TLE3: variants seen among roughly 807,000 people sequenced by gnomAD.
The protein encoded by TLE3 is transducin-like enhancer protein 3.
Under a neutral mutation model 93.0 loss-of-function variants are expected in TLE3, and 14 were observed. The observed-to-expected ratio is 0.15, with a 90% confidence interval of 0.10 to 0.24. The LOEUF (loss-of-function observed/expected upper bound fraction) is 0.24. Among genes scored for constraint, TLE3 ranks in the 10% least tolerant of loss-of-function variants. The pLI is 1.00. For missense variants in TLE3, 693 were observed against 1,046.6 expected (o/e 0.66, Z 4.66); for synonymous variants, 451 against 425.0 (o/e 1.06, Z -0.75).
Position 70,097,453 on chromosome 15 carries a change from T to TGCCGCCGCCGCC in TLE3, c.-667_-656dup, listed in dbSNP as rs907501738. 7.2e-6 allele frequency: 3 copies of TGCCGCCGCCGCC among 416,462 alleles called. No individual in the cohort carries two copies. The highest frequency in any genetic ancestry group is 4.1e-5 in the African/African-American group (2 of 48,658). The allele number at this position is 416,462 out of a possible 1,614,324, so 25.8% of individuals were successfully genotyped here. On this transcript the variant is annotated 5_prime_UTR_variant, in exon 1 of 20. Transcript: ENST00000451782. ...CTGCTGTTCCGTCTGCTACTGCCGC[T>TGCCGCCGCCGCC]GCCGCCGCCGCCGCCGCCGCTGCAA...
At chr15:70,095,335 C>T in intron 3 of TLE3, 1 of 1,422,716 alleles carries the variant, frequency 7.0e-7, no homozygotes, top group South Asian at 1.5e-5. Context: ...AAAGATAGTA[C>T]AGAAGTCTCC....
intron 18 of TLE3, 33 bp downstream of exon 18, chr15:70,052,341 A>G (rs1375104399): frequency 6.2e-7 from 1 of 1,602,692 alleles, no homozygotes; most frequent in East Asian, 2.2e-5. Context: ...TCCCCACCCC[A>G]CTCCATCAGG....
At chr15:70,089,252 T>G (rs1267376600) in intron 4 of TLE3, among the ~76,000 whole-genome samples, 2 of 152,186 alleles carry the variant, frequency 1.3e-5, no homozygotes, top group Non-Finnish European at 2.9e-5. Flanking sequence ...CTGTGCTGGG[T>G]GCTCCTCCTA....
At chr15:70,061,379 A>G (rs1045074798) in intron 8 of TLE3, among the ~76,000 whole-genome samples, 2 of 152,092 alleles carry the variant, frequency 1.3e-5, no homozygotes, top group African/African-American at 4.8e-5. Flanking sequence ...GAGGTTGGTG[A>G]ATGTGCCCAA....
intron 4 of TLE3, among the ~76,000 whole-genome samples, chr15:70,089,694 C>T (rs1390242239): frequency 6.6e-6 from 1 of 152,218 alleles, no homozygotes; most frequent in Non-Finnish European, 1.5e-5. Flanking sequence ...TGCCAGATCA[C>T]AGGGGAAAAC....
chr15:70,084,471 G>A lies in TLE3; in HGVS notation c.235-8313C>T, dbSNP rs977023276. Among the ~76,000 whole-genome samples, 366 of 152,334 alleles carry A rather than the reference G, an allele frequency of 2.4e-3. 3 individuals are homozygous for A. The highest frequency in any genetic ancestry group is 7.1e-4 in the Non-Finnish European group (48 of 68,020). On this transcript the variant is annotated intron_variant, in intron 4 of 19. Coordinates refer to ENST00000451782, the MANE Select transcript of TLE3 (RefSeq NM_001105192.3). ...ATGTGGCTGATGCTCATGTTTTACT[G>A]AATTCTGAAAGGTTTCATCTGGTTT...
intron 4 of TLE3, among the ~76,000 whole-genome samples, chr15:70,093,844 G>A (rs2058422005): frequency 6.6e-6 from 1 of 152,200 alleles, no homozygotes; most frequent in South Asian, 2.1e-4. Context: ...TCAAAGCTGA[G>A]CTCAACCCCC....
In TLE3 at chr15:70,049,972, AGCCCTGAACGCTCGGCTGCCTGCG is replaced by A; in HGVS notation, c.*101_*124del. The A allele has an allele frequency of 1.2e-5, 9 of 744,808 alleles. No homozygotes were observed. In the South Asian group the frequency reaches 1.4e-4, roughly 12 times the overall value. 46.1% of individuals were successfully genotyped at this position (744,808 alleles called of 1,614,324 possible). Reference sequence around the variant, plus strand: ...GTGCCCTCTCAGCCGGCCGGAGCGCAGCCCTGAACGCTCGGCTGCCTGCGGCCCATCCTCCGCCATCCTCGGGGC... The same window carrying A: ...GTGCCCTCTCAGCCGGCCGGAGCGCAGCCCATCCTCCGCCATCCTCGGGGC... On this transcript the variant is annotated 3_prime_UTR_variant, in exon 20 of 20. Transcript: ENST00000451782.
chr15:70,050,414 A>G (rs2055414135), intron 19 of TLE3: 1 of 496,374 alleles, frequency 2.0e-6, no homozygotes, highest in African/African-American at 1.9e-5. Context: ...ATTTTCAGGT[A>G]GAGCTCCCCT....
chr15:70,049,845 G>A lies in TLE3; in HGVS notation c.*252C>T. On this transcript the variant is annotated 3_prime_UTR_variant, in exon 20 of 20. Transcript: ENST00000451782. Reference sequence around the variant, plus strand: ...TAAGCCTCCAATAAATCTATTTGTAGCAACTGCCAGCATTGTTCAGGGGGA... The same window carrying A: ...TAAGCCTCCAATAAATCTATTTGTAACAACTGCCAGCATTGTTCAGGGGGA... 2.5e-6 allele frequency: 1 copy of A among 405,802 alleles called. No individual in the cohort carries two copies. The highest frequency in any genetic ancestry group is 3.6e-5 in the Admixed American group (1 of 27,770). The allele number at this position is 405,802 out of a possible 1,614,324, so 25.1% of individuals were successfully genotyped here. A position where few individuals can be genotyped will look rare whatever the true frequency, so the allele number is the denominator to read the frequency against.
chr15:70,050,052 G>A lies in TLE3; in HGVS notation c.*45C>T, dbSNP rs372260637. 110 of 1,549,058 alleles carry A rather than the reference G, an allele frequency of 7.1e-5. No homozygotes were observed. Among genetic ancestry groups the A allele is most frequent in the African/African-American group, 5.3e-4 (39 of 73,594 alleles). On this transcript the variant is annotated 3_prime_UTR_variant, in exon 20 of 20. Transcript: ENST00000451782. Reference sequence around the variant, plus strand: ...GCCTGGGGGTCTCCCTGTCAGAGCCGAGTCGGTTTCTCCCAGAGTTTGACA... The same window carrying A: ...GCCTGGGGGTCTCCCTGTCAGAGCCAAGTCGGTTTCTCCCAGAGTTTGACA...
chr15:70,067,147 A>C (rs1414992530), intron 6 of TLE3, among the ~76,000 whole-genome samples: 1 of 152,186 alleles, frequency 6.6e-6, no homozygotes, highest in African/African-American at 2.4e-5. Context: ...TCCCCAGTCA[A>C]GGACTCCGCT....
rs1011100828 is a variant in TLE3 at position 70,088,422 on chromosome 15, T to A, written c.234+6110A>T. Among the ~76,000 whole-genome samples the A allele has an allele frequency of 3.3e-5, 5 of 152,228 alleles. 1 individual carries two copies. In the South Asian group the frequency reaches 6.2e-4, roughly 19 times the overall value. ...CAATTATTTTATAAAGAATTTTTTT[T>A]AAATATGTATTTTGAAGGAGAAGAG... is the stretch of plus-strand genomic sequence containing the variant. On this transcript the variant is annotated intron_variant, in intron 4 of 19. Coordinates refer to ENST00000451782, the MANE Select transcript of TLE3 (RefSeq NM_001105192.3).
chr15:70,056,910 G>C (rs766633979), intron 13 of TLE3, among the ~76,000 whole-genome samples: 74 of 151,924 alleles, frequency 4.9e-4, no homozygotes, highest in Non-Finnish European at 9.3e-4. Flanking sequence ...CACCACGCCC[G>C]GCTAATTTTT....
intron 4 of TLE3, among the ~76,000 whole-genome samples, chr15:70,083,274 T>A (rs1410081070): frequency 6.6e-6 from 1 of 152,040 alleles, no homozygotes; most frequent in Non-Finnish European, 1.5e-5. Context: ...TCTAAAGAGT[T>A]TCATTCCTCA....
chr15:70,089,972 G>C (rs1469539108), intron 4 of TLE3, among the ~76,000 whole-genome samples: 1 of 152,188 alleles, frequency 6.6e-6, no homozygotes, highest in Non-Finnish European at 1.5e-5. Flanking sequence ...CCCACCCGTT[G>C]ATCTGTAAAG....
chr15:70,057,320 C>T (rs1199734444), intron 13 of TLE3, 139 bp downstream of exon 13: 22 of 1,026,376 alleles, frequency 2.1e-5, no homozygotes, highest in South Asian at 1.5e-4. Flanking sequence ...CAATTGTTTC[C>T]GATACACCTT....
At chr15:70,073,235 G>A (rs1403660251) in intron 6 of TLE3, among the ~76,000 whole-genome samples, 3 of 152,154 alleles carry the variant, frequency 2.0e-5, no homozygotes, top group Non-Finnish European at 2.9e-5. Context: ...GAGATGAGCC[G>A]GTGTACGTTC....
Position 70,054,699 on chromosome 15 carries a change from G to T in TLE3, c.1579-14C>A. On this transcript the variant is annotated splice_polypyrimidine_tract_variant and intron_variant, in intron 15 of 19. Coordinates refer to ENST00000451782, the MANE Select transcript of TLE3 (RefSeq NM_001105192.3). Reference sequence around the variant, plus strand: ...ATTGTCCCTGTTCTGGAGGGAGAAGGGGCAGGGCTGAGTGCTGCCTACTTC... The same window carrying T: ...ATTGTCCCTGTTCTGGAGGGAGAAGTGGCAGGGCTGAGTGCTGCCTACTTC... 1 of 1,566,232 alleles carries T rather than the reference G, an allele frequency of 6.4e-7. No individual in the cohort carries two copies. The highest frequency in any genetic ancestry group is 8.7e-7 in the Non-Finnish European group (1 of 1,152,240).
Sources: gnomAD v4.1 joint callset for allele counts (sites outside exome capture counted in the v4.1 genomes callset) on GRCh38, gnomAD v4.1.1 for gene constraint, MANE v1.5 for transcripts, NCBI Gene and HGNC (gene_info 2026-07-23, HGNC 2026-07-21) for gene names.